PTPRD: variants seen among roughly 807,000 people sequenced by gnomAD.
The protein encoded by PTPRD is receptor-type tyrosine-protein phosphatase delta.
Under a neutral mutation model 214.5 loss-of-function variants are expected in PTPRD, and 34 were observed. The observed-to-expected ratio is 0.16, with a 90% CI of 0.12 to 0.21. PTPRD has a LOEUF of 0.21. Ranked by LOEUF, PTPRD falls within the 10% of genes least tolerant of loss-of-function variation. PTPRD has a pLI of 1.00. For missense variants in PTPRD, 2,545 were observed against 2,398.7 expected (o/e 1.06, Z -1.27); for synonymous variants, 1,128 against 845.7 (o/e 1.33, Z -5.79).
chr9:9,863,945 G>C (rs781728679), intron 5 of PTPRD, among the ~76,000 whole-genome samples: 8 of 152,054 alleles, frequency 5.3e-5, no homozygotes, highest in Non-Finnish European at 8.8e-5. Context: ...ATTTTGAGTT[G>C]GTTGATTTCT....
At chr9:8,534,781 C>T (rs1352346305) in intron 14 of PTPRD, among the ~76,000 whole-genome samples, 1 of 151,510 alleles carries the variant, frequency 6.6e-6, no homozygotes, top group Non-Finnish European at 1.5e-5. Context: ...CGAACTTTCT[C>T]GGAAAATTTA....
At chr9:9,651,802 T>A (rs1336509035) in intron 7 of PTPRD, among the ~76,000 whole-genome samples, 1 of 149,296 alleles carries the variant, frequency 6.7e-6, no homozygotes, top group Non-Finnish European at 1.5e-5. Context: ...AATACCACAC[T>A]GCCTTTGTAT....
chr9:8,882,906 G>C (rs2098458473), intron 11 of PTPRD, among the ~76,000 whole-genome samples: 1 of 98,168 alleles, frequency 1.0e-5, no homozygotes, highest in East Asian at 3.6e-4. Context: ...AGGTATTTTA[G>C]AGCATGACTT....
At chr9:8,693,348 C>T (rs904026318) in intron 12 of PTPRD, among the ~76,000 whole-genome samples, 1 of 152,196 alleles carries the variant, frequency 6.6e-6, no homozygotes, top group East Asian at 1.9e-4. Flanking sequence ...TCATGACAAA[C>T]ATATCCTTCT....
chr9:9,397,320 C>T (rs377152003), intron 9 of PTPRD, 129 bp downstream of exon 9: 57 of 152,162 alleles, frequency 3.7e-4, no homozygotes, highest in African/African-American at 1.4e-3. Context: ...CCTAAAATGC[C>T]TAATGAACTG....
chr9:10,338,462 T>G (rs1012590119), intron 3 of PTPRD, among the ~76,000 whole-genome samples: 1 of 151,772 alleles, frequency 6.6e-6, no homozygotes, highest in South Asian at 2.1e-4. Context: ...AACAAATAAT[T>G]TTTTGTGTGC....
intron 12 of PTPRD, among the ~76,000 whole-genome samples, chr9:8,665,343 G>C (rs1242449874): frequency 6.6e-6 from 1 of 152,134 alleles, no homozygotes; most frequent in East Asian, 1.9e-4. Context: ...GCATTGCACT[G>C]GGGAGTAGCA....
chr9:10,463,739 TCA>T (rs2098974659), intron 2 of PTPRD, among the ~76,000 whole-genome samples: 1 of 151,908 alleles, frequency 6.6e-6, no homozygotes, highest in Non-Finnish European at 1.5e-5. Context: ...AGGAATAACT[TCA>T]GAGTCTTACA....
At chr9:8,571,991 G>A (rs948945763) in intron 14 of PTPRD, among the ~76,000 whole-genome samples, 10 of 152,076 alleles carry the variant, frequency 6.6e-5, no homozygotes, top group South Asian at 6.2e-4. Flanking sequence ...TGGTGGATGC[G>A]GAAGTAATGT....
In PTPRD at chr9:8,315,637, T is replaced by C. The variant is rs922732268; in HGVS notation, c.*2237A>G. On this transcript the variant is annotated 3_prime_UTR_variant, in exon 46 of 46. Coordinates refer to ENST00000381196, the MANE Select transcript of PTPRD (RefSeq NM_002839.4). ...CTAGATACTTTTTTTTAGTATTATA[T>C]ATATTTTCTTTTTTTTCTTTTTCTT... 1.3e-5 allele frequency: 3 copies of C among 228,122 alleles called. No individual in the cohort carries two copies. The highest frequency in any genetic ancestry group is 2.6e-5 in the Non-Finnish European group (3 of 114,656). The allele number at this position is 228,122 out of a possible 1,614,324, so 14.1% of individuals were successfully genotyped here. A position where few individuals can be genotyped will look rare whatever the true frequency, so the allele number is the denominator to read the frequency against.
At chr9:10,164,396 T>A (rs2099146580) in intron 3 of PTPRD, among the ~76,000 whole-genome samples, 1 of 151,536 alleles carries the variant, frequency 6.6e-6, no homozygotes, top group South Asian at 2.1e-4. Context: ...AGATTCACTG[T>A]TTTTTCTCCC....
chr9:9,946,028 C>A (rs1471600253), intron 4 of PTPRD, among the ~76,000 whole-genome samples: 1 of 55,058 alleles, frequency 1.8e-5, no homozygotes, highest in African/African-American at 1.8e-4. Context: ...TATGTTAGAA[C>A]TTGAGGAAGC....
At chr9:8,873,866 C>T (rs10739174) in intron 11 of PTPRD, among the ~76,000 whole-genome samples, 93,168 of 151,846 alleles carry the variant, frequency 0.61, 28,974 homozygotes, top group South Asian at 0.74. Context: ...AGACTCCATA[C>T]TAACTGACAG....
chr9:10,344,382 G>A (rs1211480295), intron 2 of PTPRD, among the ~76,000 whole-genome samples: 1 of 151,934 alleles, frequency 6.6e-6, no homozygotes, highest in Non-Finnish European at 1.5e-5. Flanking sequence ...TGTTCCATTG[G>A]TCTATATGTC....
At chr9:10,178,788 G>A (rs1325826764) in intron 3 of PTPRD, among the ~76,000 whole-genome samples, 1 of 151,898 alleles carries the variant, frequency 6.6e-6, no homozygotes, top group Non-Finnish European at 1.5e-5. Flanking sequence ...TTACTCACTA[G>A]ATGTGAGGAG....
intron 35 of PTPRD, among the ~76,000 whole-genome samples, chr9:8,424,616 C>A (rs1590056776): frequency 6.6e-6 from 1 of 151,746 alleles, no homozygotes; most frequent in Non-Finnish European, 1.5e-5. Context: ...TTAAAATGTG[C>A]AGTTTAATAC....
chr9:9,311,115 C>A (rs142114540), intron 9 of PTPRD, among the ~76,000 whole-genome samples: 8 of 151,726 alleles, frequency 5.3e-5, no homozygotes, highest in Admixed American at 2.6e-4. Flanking sequence ...AAAAGGCAAA[C>A]GCCAGCAATT....
chr9:8,550,840 G>A (rs916987231), intron 14 of PTPRD, among the ~76,000 whole-genome samples: 1 of 152,202 alleles, frequency 6.6e-6, no homozygotes, highest in Non-Finnish European at 1.5e-5. Context: ...ACAGGCCTGG[G>A]TCAGGCTCTT....
rs368939498 is a variant in PTPRD at position 10,056,145 on chromosome 9, G to C, written c.-544-22355C>G. Among the ~76,000 whole-genome samples the C allele has an allele frequency of 9.2e-5, 14 of 151,832 alleles. No individual in the cohort carries two copies. In the East Asian group the frequency reaches 2.7e-3, roughly 29 times the overall value. On this transcript the variant is annotated intron_variant, in intron 3 of 45. Coordinates refer to ENST00000381196, the MANE Select transcript of PTPRD (RefSeq NM_002839.4). ...AGACCAGCCTGACCAACATGGTAAA[G>C]CACTGTCTCTACTAAAAATACAAAA...
Sources: allele counts gnomAD v4.1 joint callset (sites outside exome capture counted in the v4.1 genomes callset), GRCh38; gene constraint gnomAD v4.1.1; transcripts MANE v1.5; gene names NCBI Gene and HGNC (gene_info 2026-07-23, HGNC 2026-07-21).